ADORA2B: variants seen among roughly 807,000 people sequenced by gnomAD.
ADORA2B encodes the protein adenosine A2b receptor.
ADORA2B carries 18 observed loss-of-function variants against 20.8 expected under a neutral mutation model. That is an observed-to-expected ratio of 0.87 (90% CI 0.60 to 1.29). The LOEUF is 1.29. Among genes scored for constraint, ADORA2B ranks in the 50% most tolerant of loss-of-function variants. The probability of loss-of-function intolerance (pLI) is 0.00; values close to 1 mark genes in which losing one functional copy is unlikely to be tolerated. For synonymous variants in ADORA2B, 179 were observed against 178.3 expected, an observed-to-expected ratio of 1.00 and a Z score of -0.03; for missense variants, 441 against 422.7, an observed-to-expected ratio of 1.04 and a Z score of -0.38.
chr17:15,920,813 A>G, the ADORA2B span, among the ~76,000 whole-genome samples: 1 of 152,090 alleles, frequency 6.6e-6, no homozygotes, highest in East Asian at 1.9e-4. Flanking sequence ...CCGCGCAGGT[A>G]TTTGTGACAG....
chr17:15,875,743 C>G, the ADORA2B span, among the ~76,000 whole-genome samples: 4 of 152,130 alleles, frequency 2.6e-5, no homozygotes, highest in Non-Finnish European at 4.4e-5. Flanking sequence ...CCACCACACC[C>G]AGCTAATTTT....
At chr17:15,901,049 G>A in the ADORA2B span, among the ~76,000 whole-genome samples, 3 of 152,154 alleles carry the variant, frequency 2.0e-5, no homozygotes, top group South Asian at 2.1e-4. Context: ...CATGCCCACC[G>A]GGACAGCAGC....
At chr17:15,974,044 AAG>A (rs1970218040) in intron 1 of ADORA2B, 1 of 139,636 alleles carries the variant, frequency 7.2e-6, no homozygotes, top group Non-Finnish European at 1.6e-5. Context: ...GGACAGAAAA[AAG>A]AAAGTGATGG....
chr17:15,887,789 A>C, the ADORA2B span, among the ~76,000 whole-genome samples: 1 of 123,516 alleles, frequency 8.1e-6, no homozygotes, highest in Non-Finnish European at 1.7e-5. Flanking sequence ...CTACTAAAAA[A>C]AAATAAAAAA....
chr17:15,907,660 A>T, the ADORA2B span, among the ~76,000 whole-genome samples: 2 of 152,282 alleles, frequency 1.3e-5, no homozygotes, highest in East Asian at 3.9e-4. Flanking sequence ...AAAATCACCA[A>T]ACTGACAACA....
chr17:15,937,284 C>T, the ADORA2B span, among the ~76,000 whole-genome samples: 2 of 152,212 alleles, frequency 1.3e-5, no homozygotes, highest in African/African-American at 4.8e-5. Flanking sequence ...TCACATGCAG[C>T]AGCTAAAGTC....
chr17:15,935,089 G>A, the ADORA2B span, among the ~76,000 whole-genome samples: 1 of 152,168 alleles, frequency 6.6e-6, no homozygotes, highest in Non-Finnish European at 1.5e-5. Flanking sequence ...TTACATGTGT[G>A]AGCCACCGCG....
chr17:15,863,129 G>C, the ADORA2B span, among the ~76,000 whole-genome samples: 3 of 152,052 alleles, frequency 2.0e-5, no homozygotes, highest in African/African-American at 7.2e-5. Flanking sequence ...TTAAAAACCA[G>C]AATTAGTGCT....
the ADORA2B span, among the ~76,000 whole-genome samples, chr17:15,922,661 A>G: frequency 1.3e-5 from 2 of 152,352 alleles, no homozygotes; most frequent in African/African-American, 4.8e-5. Context: ...TGACAATGCT[A>G]TCATTATTAA....
At chr17:15,899,681 T>G in the ADORA2B span, among the ~76,000 whole-genome samples, 5 of 152,168 alleles carry the variant, frequency 3.3e-5, no homozygotes, top group African/African-American at 4.8e-5. Flanking sequence ...CTCTTGTAAG[T>G]GAAAACATGC....
the ADORA2B span, among the ~76,000 whole-genome samples, chr17:15,922,016 A>G: frequency 6.6e-6 from 1 of 152,236 alleles, no homozygotes; most frequent in Non-Finnish European, 1.5e-5. Flanking sequence ...AGGAAGGATG[A>G]CTTGTGTAGG....
intron 1 of ADORA2B, among the ~76,000 whole-genome samples, chr17:15,949,283 C>T (rs1032304012): frequency 2.0e-5 from 3 of 151,626 alleles, no homozygotes; most frequent in Non-Finnish European, 2.9e-5. Context: ...GAGGCCAAGG[C>T]GAATAGATCA....
the ADORA2B span, among the ~76,000 whole-genome samples, chr17:15,900,455 T>C: frequency 6.6e-6 from 1 of 152,082 alleles, no homozygotes; most frequent in Non-Finnish European, 1.5e-5. Context: ...TTTTTTATTT[T>C]TTATTTTTTT....
intron 1 of ADORA2B, among the ~76,000 whole-genome samples, chr17:15,973,311 TTAC>T (rs535210212): frequency 1.2e-4 from 18 of 152,228 alleles, no homozygotes; most frequent in Non-Finnish European, 2.6e-4. Flanking sequence ...CTGATCTTTC[TTAC>T]TCTGCTTTTT....
the ADORA2B span, among the ~76,000 whole-genome samples, chr17:15,859,207 T>G: frequency 6.6e-6 from 1 of 152,048 alleles, no homozygotes; most frequent in Non-Finnish European, 1.5e-5. Context: ...TTGACAGTAC[T>G]CCCCACTTAG....
At chr17:15,934,791 T>TATTA in the ADORA2B span, among the ~76,000 whole-genome samples, 1 of 152,184 alleles carries the variant, frequency 6.6e-6, no homozygotes, top group African/African-American at 2.4e-5. Context: ...CTGTCTTTTG[T>TATTA]ATTAATTAAT....
chr17:15,881,048 GA>G, the ADORA2B span, among the ~76,000 whole-genome samples: 13,001 of 152,204 alleles, frequency 0.085, 1,564 homozygotes, highest in African/African-American at 0.27. Context: ...CTTTGATGAA[GA>G]GGGGCGTGGT....
chr17:15,945,028 A>C (rs1969780065), upstream of ADORA2B: 1 of 317,514 alleles, frequency 3.1e-6, no homozygotes, highest in Non-Finnish European at 5.7e-6. Context: ...TGCTCCGCCC[A>C]GCCCGAGACG....
At chr17:15,959,137 T>G (rs774361191) in intron 1 of ADORA2B, among the ~76,000 whole-genome samples, 1 of 152,190 alleles carries the variant, frequency 6.6e-6, no homozygotes, top group Non-Finnish European at 1.5e-5. Flanking sequence ...CTGGCTTCAC[T>G]AAAACCAGCA....
Sources: allele counts gnomAD v4.1 joint callset (sites outside exome capture counted in the v4.1 genomes callset), GRCh38; gene constraint gnomAD v4.1.1; transcripts MANE v1.5; gene names NCBI Gene and HGNC (gene_info 2026-07-23, HGNC 2026-07-21).